The following DPP10 variants were observed in gnomAD, a reference collection of about 807,000 sequenced individuals.
The protein encoded by DPP10 is inactive dipeptidyl peptidase 10.
Under a neutral mutation model 120.9 loss-of-function variants are expected in DPP10, and 33 were observed. That is an observed-to-expected ratio of 0.27 (90% confidence interval 0.21 to 0.37). The LOEUF (loss-of-function observed/expected upper bound fraction) is 0.37. DPP10 is among the 10% of genes least tolerant of loss of function. The probability of loss-of-function intolerance (pLI) is 1.00; values close to 1 mark genes in which losing one functional copy is unlikely to be tolerated. For missense variants in DPP10, 816 were observed against 942.8 expected (o/e 0.87, Z 1.76); for synonymous variants, 337 against 326.1 (o/e 1.03, Z -0.36).
At chr2:115,159,034 A>G (rs574638012) in intron 1 of DPP10, among the ~76,000 whole-genome samples, 1 of 152,224 alleles carries the variant, frequency 6.6e-6, no homozygotes, top group Non-Finnish European at 1.5e-5. Flanking sequence ...TAAAATTTAA[A>G]CATATACAAA....
At chr2:115,253,555 G>A (rs1026083096) in intron 1 of DPP10, among the ~76,000 whole-genome samples, 3 of 152,172 alleles carry the variant, frequency 2.0e-5, no homozygotes, top group African/African-American at 7.2e-5. Context: ...GCAGGCATTG[G>A]ATAAACATTT....
intron 1 of DPP10, among the ~76,000 whole-genome samples, chr2:114,711,847 C>T (rs1275219790): frequency 1.3e-5 from 2 of 152,112 alleles, no homozygotes; most frequent in Non-Finnish European, 2.9e-5. Context: ...TGTTTATCTA[C>T]TTCATCTGGA....
At chr2:114,726,827 G>A (rs1028103719) in intron 1 of DPP10, among the ~76,000 whole-genome samples, 4 of 152,196 alleles carry the variant, frequency 2.6e-5, no homozygotes, top group African/African-American at 9.7e-5. Flanking sequence ...ATATTTCATA[G>A]AAAGTTGTGC....
intron 5 of DPP10, among the ~76,000 whole-genome samples, chr2:115,645,877 A>G (rs2087200518): frequency 6.6e-6 from 1 of 152,218 alleles, no homozygotes; most frequent in South Asian, 2.1e-4. Context: ...ATGAAGCTGA[A>G]GCATTTATAT....
chr2:115,135,957 T>A (rs764532865), intron 1 of DPP10, among the ~76,000 whole-genome samples: 1 of 152,200 alleles, frequency 6.6e-6, no homozygotes, highest in Non-Finnish European at 1.5e-5. Context: ...TCAGGCTTGC[T>A]AATTTGACCT....
At chr2:114,497,052 CAT>C (rs1478615439) in intron 1 of DPP10, among the ~76,000 whole-genome samples, 1 of 150,124 alleles carries the variant, frequency 6.7e-6, no homozygotes, top group Admixed American at 6.7e-5. Flanking sequence ...TATGCATACA[CAT>C]ACATATATAC....
chr2:115,331,239 A>G (rs2062710881), intron 2 of DPP10, among the ~76,000 whole-genome samples: 1 of 152,108 alleles, frequency 6.6e-6, no homozygotes, highest in African/African-American at 2.4e-5. Context: ...TTATTTGTGT[A>G]TAAGAATGCT....
Position 114,842,385 on chromosome 2 carries a change from A to G in DPP10, c.60+399547A>G, listed in dbSNP as rs7592183. Among the ~76,000 whole-genome samples, 1,492 of 152,202 alleles carry G rather than the reference A, an allele frequency of 9.8e-3. 32 individuals are homozygous for G. Among genetic ancestry groups the G allele is most frequent in the African/African-American group, 0.034 (1,426 of 41,540 alleles). On this transcript the variant is annotated intron_variant, in intron 1 of 25. Coordinates refer to ENST00000410059, the MANE Select transcript of DPP10 (RefSeq NM_020868.6). Reference sequence around the variant, plus strand: ...TGCTGGAATGAAATTCTTCACGGGCATATCCTTTTGGATTTCTTAGTCAAT... The same window carrying G: ...TGCTGGAATGAAATTCTTCACGGGCGTATCCTTTTGGATTTCTTAGTCAAT...
At chr2:115,092,070 G>A (rs1709309701) in intron 1 of DPP10, among the ~76,000 whole-genome samples, 1 of 152,122 alleles carries the variant, frequency 6.6e-6, no homozygotes, top group Non-Finnish European at 1.5e-5. Context: ...CCAGGACTCT[G>A]TTGTTTTTTG....
intron 1 of DPP10, among the ~76,000 whole-genome samples, chr2:114,798,673 C>T (rs1194410667): frequency 1.3e-5 from 2 of 151,988 alleles, no homozygotes; most frequent in African/African-American, 2.4e-5. Flanking sequence ...GGTGGGGGCA[C>T]GAGGAGGAGA....
rs539783575 is a variant in DPP10 at position 115,473,590 on chromosome 2, TG to T, written c.272-25918del. Reference sequence around the variant, plus strand: ...CAGAATGGGCAGGAATAAACTTCAATGGCTCCAGGATGAGTTTTCTGTCTTC... The same window carrying T: ...CAGAATGGGCAGGAATAAACTTCAATGCTCCAGGATGAGTTTTCTGTCTTC... On this transcript the variant is annotated intron_variant, in intron 3 of 25. Coordinates refer to ENST00000410059, the MANE Select transcript of DPP10 (RefSeq NM_020868.6). 5.9e-5 allele frequency among the ~76,000 whole-genome samples: 9 copies of T among 152,284 alleles called. 1 individual carries two copies. The South Asian group carries it at 1.7e-3, about 28-fold the overall frequency.
intron 1 of DPP10, among the ~76,000 whole-genome samples, chr2:115,209,409 CAT>C (rs1445430249): frequency 7.2e-5 from 11 of 152,088 alleles, no homozygotes; most frequent in South Asian, 2.1e-4. Context: ...CACTCACAAA[CAT>C]ATATATGCAC....
chr2:114,970,786 A>G (rs17043846), intron 1 of DPP10, among the ~76,000 whole-genome samples: 38,966 of 152,124 alleles, frequency 0.26, 5,051 homozygotes, highest in East Asian at 0.34. Context: ...ATTGATCTCC[A>G]GGAACTGAAT....
At chr2:115,410,235 G>T (rs1184952766) in intron 3 of DPP10, among the ~76,000 whole-genome samples, 2 of 152,174 alleles carry the variant, frequency 1.3e-5, no homozygotes, top group Non-Finnish European at 2.9e-5. Flanking sequence ...CAACTCAAAT[G>T]CCCATCAATG....
intron 1 of DPP10, among the ~76,000 whole-genome samples, chr2:115,218,672 C>G (rs548924648): frequency 1.3e-5 from 2 of 152,068 alleles, no homozygotes; most frequent in South Asian, 4.2e-4. Context: ...TCTTTCCATA[C>G]CAGGAAAATC....
At chr2:114,959,419 T>G (rs1031113867) in intron 1 of DPP10, among the ~76,000 whole-genome samples, 2 of 152,198 alleles carry the variant, frequency 1.3e-5, no homozygotes, top group Non-Finnish European at 2.9e-5. Context: ...TCTTTTTGTT[T>G]TCAAAGAATA....
chr2:114,919,752 T>G (rs1358085816), intron 1 of DPP10, among the ~76,000 whole-genome samples: 3 of 152,090 alleles, frequency 2.0e-5, no homozygotes, highest in Non-Finnish European at 4.4e-5. Context: ...GATAGTTGAC[T>G]GGCATAACTG....
At chr2:115,222,623 A>G (rs749905550) in intron 1 of DPP10, among the ~76,000 whole-genome samples, 4 of 152,112 alleles carry the variant, frequency 2.6e-5, no homozygotes, top group Admixed American at 6.6e-5. Context: ...CCAGTCTGGG[A>G]TATATCCTTA....
At chr2:115,138,104 A>C (rs1045613895) in intron 1 of DPP10, among the ~76,000 whole-genome samples, 2 of 152,200 alleles carry the variant, frequency 1.3e-5, no homozygotes, top group Admixed American at 6.5e-5. Flanking sequence ...TCCAAAAGTT[A>C]TATGCACAGA....
Sources: allele counts gnomAD v4.1 joint callset (sites outside exome capture counted in the v4.1 genomes callset), GRCh38; gene constraint gnomAD v4.1.1; transcripts MANE v1.5; gene names NCBI Gene and HGNC (gene_info 2026-07-23, HGNC 2026-07-21).